Variants in CLVS1 observed in about 807,000 individuals in gnomAD.
CLVS1 encodes the protein clavesin-1.
In CLVS1, 10 loss-of-function variants were observed where a neutral mutation model predicts 33.1. That is an observed-to-expected ratio of 0.30 (90% confidence interval 0.19 to 0.51). The LOEUF is 0.51. Ranked by LOEUF, CLVS1 falls within the 20% of genes least tolerant of loss-of-function variation. The pLI, the probability that CLVS1 is intolerant of heterozygous loss-of-function variation, is 0.97. For missense variants in CLVS1, 343 were observed against 433.4 expected (o/e 0.79, Z 1.85); for synonymous variants, 163 against 166.1 (o/e 0.98, Z 0.14).
intron 1 of CLVS1, among the ~76,000 whole-genome samples, chr8:61,293,921 TA>T (rs892896476): frequency 6.6e-6 from 1 of 152,178 alleles, no homozygotes; most frequent in Non-Finnish European, 1.5e-5. Context: ...TATGTGTACT[TA>T]AAAACTGTTC....
In CLVS1 at chr8:61,277,155, C is replaced by T. The variant is rs115144860; in HGVS notation, c.-151-22522C>T. 3.7e-3 allele frequency among the ~76,000 whole-genome samples: 561 copies of T among 152,310 alleles called. 2 individuals carry two copies. Among genetic ancestry groups the T allele is most frequent in the African/African-American group, 0.013 (525 of 41,572 alleles). On this transcript the variant is annotated intron_variant, in intron 2 of 2. Transcript: ENST00000522621. ...TAGCACTTAGTATACCAGGCATGTT[C>T]TAAGCACCAAGCACTACCTTTAGGC...
intron 3 of CLVS1, among the ~76,000 whole-genome samples, chr8:61,428,809 G>A (rs1270371952): frequency 6.6e-6 from 1 of 152,162 alleles, no homozygotes; most frequent in African/African-American, 2.4e-5. Flanking sequence ...CCATAAGCAG[G>A]TTTTGCATCC....
chr8:61,273,020 T>C (rs1485197243), intron 2 of CLVS1, among the ~76,000 whole-genome samples: 1 of 151,126 alleles, frequency 6.6e-6, no homozygotes, highest in African/African-American at 2.4e-5. Context: ...CATCCAGCTT[T>C]GTTCCGTTGC....
the CLVS1 span, among the ~76,000 whole-genome samples, chr8:61,012,564 T>G: frequency 6.6e-6 from 1 of 152,216 alleles, no homozygotes; most frequent in Non-Finnish European, 1.5e-5. Context: ...TGTACTGACA[T>G]GTAGCCCTCA....
At chr8:61,226,335 C>T (rs1808329153) in intron 2 of CLVS1, among the ~76,000 whole-genome samples, 1 of 152,146 alleles carries the variant, frequency 6.6e-6, no homozygotes, top group East Asian at 1.9e-4. Context: ...GAAAGTCAGC[C>T]CACAATTTAT....
intron 3 of CLVS1, among the ~76,000 whole-genome samples, chr8:61,427,688 T>G (rs1353787623): frequency 6.6e-6 from 1 of 152,218 alleles, no homozygotes; most frequent in African/African-American, 2.4e-5. Context: ...AGGAGGAAAC[T>G]GGGCTCAGAG....
chr8:61,053,068 T>C (rs1378621713), upstream of CLVS1, among the ~76,000 whole-genome samples: 1 of 152,160 alleles, frequency 6.6e-6, no homozygotes, highest in East Asian at 1.9e-4. Context: ...TTTGAGATTC[T>C]TGGCCTGAGC....
chr8:60,984,948 A>C, the CLVS1 span, among the ~76,000 whole-genome samples: 1 of 152,144 alleles, frequency 6.6e-6, no homozygotes, highest in Non-Finnish European at 1.5e-5. Context: ...TGGTGGAGAA[A>C]TAGTCTGTAA....
chr8:61,019,853 G>T, the CLVS1 span, among the ~76,000 whole-genome samples: 2 of 152,138 alleles, frequency 1.3e-5, no homozygotes, highest in Non-Finnish European at 2.9e-5. Flanking sequence ...ATGTGGTTGG[G>T]TATGGATACA....
intron 2 of CLVS1, among the ~76,000 whole-genome samples, chr8:61,344,563 A>T (rs1158772114): frequency 2.0e-5 from 3 of 152,178 alleles, no homozygotes; most frequent in African/African-American, 4.8e-5. Flanking sequence ...TCCCTCTTCC[A>T]TGACTCTTTA....
chr8:61,274,819 T>A (rs2129592895), intron 2 of CLVS1, among the ~76,000 whole-genome samples: 1 of 152,350 alleles, frequency 6.6e-6, no homozygotes, highest in African/African-American at 2.4e-5. Context: ...TGTAGTTTCT[T>A]ATGTCTTCAT....
At chr8:61,049,481 T>G in the CLVS1 span, among the ~76,000 whole-genome samples, 3 of 152,252 alleles carry the variant, frequency 2.0e-5, no homozygotes, top group African/African-American at 4.8e-5. Flanking sequence ...ATGAAGAACT[T>G]CATCAATTTG....
chr8:61,316,080 A>G (rs1810998298), intron 2 of CLVS1, among the ~76,000 whole-genome samples: 1 of 152,142 alleles, frequency 6.6e-6, no homozygotes, highest in Non-Finnish European at 1.5e-5. Context: ...ATGGCTGCAT[A>G]GTATTCTATG....
chr8:61,091,113 C>T (rs73685716), intron 1 of CLVS1, among the ~76,000 whole-genome samples: 8,653 of 152,202 alleles, frequency 0.057, 293 homozygotes, highest in South Asian at 0.15. Flanking sequence ...CCTGGGTTAT[C>T]GAGGTGGGCC....
chr8:61,342,456 C>A lies in CLVS1; in HGVS notation c.456-34149C>A, dbSNP rs187683117. On this transcript the variant is annotated intron_variant, in intron 2 of 5. Transcript: ENST00000325897. ...ACAGAGCTCCCTGAGAAGCGCTTGT[C>A]TGCCTTGCTCTCTATCTTGCGCGCC... Among the ~76,000 whole-genome samples, 13 of 152,346 alleles carry A rather than the reference C, an allele frequency of 8.5e-5. No individual in the cohort carries two copies. The East Asian group carries it at 2.5e-3, about 29-fold the overall frequency.
intron 2 of CLVS1, among the ~76,000 whole-genome samples, chr8:61,192,065 C>A (rs1284954702): frequency 6.6e-6 from 1 of 152,118 alleles, no homozygotes; most frequent in Non-Finnish European, 1.5e-5. Context: ...GCCTGCATTG[C>A]CAAGACAATC....
chr8:61,424,158 C>A (rs1479386459), intron 3 of CLVS1, among the ~76,000 whole-genome samples: 1 of 152,172 alleles, frequency 6.6e-6, no homozygotes, highest in Non-Finnish European at 1.5e-5. Context: ...CAAAGTTGTC[C>A]ACTATAATCA....
At chr8:61,359,848 G>A (rs1383940125) in intron 2 of CLVS1, among the ~76,000 whole-genome samples, 1 of 152,132 alleles carries the variant, frequency 6.6e-6, no homozygotes, top group Non-Finnish European at 1.5e-5. Flanking sequence ...GCAAACTGGT[G>A]GGCCTGTGTC....
intron 1 of CLVS1, among the ~76,000 whole-genome samples, chr8:61,123,715 G>A (rs1413407921): frequency 1.3e-5 from 2 of 152,346 alleles, no homozygotes; most frequent in Non-Finnish European, 2.9e-5. Context: ...GTCAGTCGGT[G>A]TGCATGGACT....
Sources: allele counts gnomAD v4.1 joint callset (sites outside exome capture counted in the v4.1 genomes callset), GRCh38; gene constraint gnomAD v4.1.1; transcripts MANE v1.5; gene names NCBI Gene and HGNC (gene_info 2026-07-23, HGNC 2026-07-21).